TBK1: variants seen among roughly 807,000 people sequenced by gnomAD.
TBK1 encodes TANK binding kinase 1.
A neutral mutation model predicts 99.9 loss-of-function variants in TBK1; 37 were observed. The observed-to-expected ratio is 0.37, with a 90% CI of 0.28 to 0.49. The LOEUF (loss-of-function observed/expected upper bound fraction) is 0.49. Among genes scored for constraint, TBK1 ranks in the 20% least tolerant of loss-of-function variants. The probability of loss-of-function intolerance (pLI) is 0.98; values close to 1 mark genes in which losing one functional copy is unlikely to be tolerated. For missense variants in TBK1, 644 were observed against 872.5 expected, an observed-to-expected ratio of 0.74 and a Z score of 3.30; for synonymous variants, 258 against 279.8, an observed-to-expected ratio of 0.92 and a Z score of 0.78.
At chr12:64,464,236 G>T in intron 3 of TBK1, 98 bp from the exon 4 acceptor site, 1 of 995,822 alleles carries the variant, frequency 1.0e-6, no homozygotes, top group Non-Finnish European at 1.4e-6. Context: ...CTTCATCATT[G>T]TAGCAAATCC....
At chr12:64,493,875 GGTT>G (rs1268733917) in intron 13 of TBK1, among the ~76,000 whole-genome samples, 1 of 151,994 alleles carries the variant, frequency 6.6e-6, no homozygotes, top group Non-Finnish European at 1.5e-5. Flanking sequence ...ACAAACATAT[GGTT>G]GTTATTTTTA....
intron 19 of TBK1, 92 bp from the exon 20 acceptor site, chr12:64,497,876 C>T (rs2136089115): frequency 2.1e-6 from 3 of 1,404,228 alleles, no homozygotes; most frequent in Non-Finnish European, 3.0e-6. Context: ...ATAAGGTTAT[C>T]TATTGACCAG....
chr12:64,481,882 C>A lies in TBK1; in HGVS notation c.853C>A (p.Leu285Ile). ...VLLTPVLANILEADQEKCWGF... is the reference protein window; with the variant it reads ...VLLTPVLANIIEADQEKCWGF... ...ACTTACCCCTGTTCTTGCAAACATC[C>A]TTGAAGCAGATCAGGAAAAGTGTTG... Residue 285 changes from leucine to isoleucine, a missense_variant, in exon 8 of 21, where the codon CTT becomes ATT. Transcript: ENST00000331710. 6.2e-7 allele frequency: 1 copy of A among 1,609,086 alleles called. No individual in the cohort carries two copies.
At chr12:64,485,608 CTA>C in intron 10 of TBK1, 95 bp downstream of exon 10, 2 of 583,730 alleles carry the variant, frequency 3.4e-6, no homozygotes. Flanking sequence ...TCATGTATGT[CTA>C]TATGACTTAG....
intron 2 of TBK1, among the ~76,000 whole-genome samples, chr12:64,456,637 G>A (rs1466940050): frequency 2.6e-5 from 4 of 152,008 alleles, no homozygotes; most frequent in Non-Finnish European, 5.9e-5. Context: ...TCAGGAGATC[G>A]AGACCATCCT....
Position 64,497,628 on chromosome 12 carries a change from T to TC in TBK1, c.1960-20_1960-19insC, listed in dbSNP as rs1565824956. The TC allele has an allele frequency of 6.9e-7, 1 of 1,444,318 alleles. No individual in the cohort carries two copies. The highest frequency in any genetic ancestry group is 9.3e-7 in the Non-Finnish European group (1 of 1,073,930). 89.5% of individuals were successfully genotyped at this position (1,444,318 alleles called of 1,614,324 possible). A position where few individuals can be genotyped will look rare whatever the true frequency, so the allele number is the denominator to read the frequency against. ...TTAATGTGGGGTTTTTTTCTTTTTT[T>TC]TTTTTTTTTGATGTTTCAGTTACAA... On this transcript the variant is annotated intron_variant, in intron 18 of 20. Coordinates refer to ENST00000331710, the MANE Select transcript of TBK1 (RefSeq NM_013254.4).
At chr12:64,494,707 G>A (rs2136086491) in intron 13 of TBK1, among the ~76,000 whole-genome samples, 1 of 152,200 alleles carries the variant, frequency 6.6e-6, no homozygotes, top group Non-Finnish European at 1.5e-5. Context: ...AAATCCAATA[G>A]TAAGAAAAAA....
At position 64,476,884 on chromosome 12, in the gene TBK1, T is replaced by G. The variant is rs571744573; in HGVS notation, c.701+2494T>G. On this transcript the variant is annotated intron_variant, in intron 6 of 20. Coordinates refer to ENST00000331710, the MANE Select transcript of TBK1 (RefSeq NM_013254.4). Reference sequence around the variant, plus strand: ...TAGGGGTCTAGTTTTATTCTGCATATGGTTAGCTAGTTTTCCCAGCACCAT... The same window carrying G: ...TAGGGGTCTAGTTTTATTCTGCATAGGGTTAGCTAGTTTTCCCAGCACCAT... Among the ~76,000 whole-genome samples the G allele has an allele frequency of 2.6e-5, 4 of 152,340 alleles. No homozygotes were observed. The South Asian group carries it at 8.3e-4, about 32-fold the overall frequency.
rs2040481667 is a variant in TBK1, at chr12:64,455,848, G to A, written c.-23G>A. The A allele has an allele frequency of 6.3e-7, 1 of 1,586,284 alleles. No individual in the cohort carries two copies. The highest frequency in any genetic ancestry group is 1.2e-5 in the South Asian group (1 of 86,502). ...TTTTTTTTTTCTCTTAGTATAACAAGAGGATTGCCTGATCCAGCCAAGATG... is the reference window on the plus strand; with the variant it reads ...TTTTTTTTTTCTCTTAGTATAACAAAAGGATTGCCTGATCCAGCCAAGATG... On this transcript the variant is annotated 5_prime_UTR_variant, in exon 2 of 21. Coordinates refer to ENST00000331710, the MANE Select transcript of TBK1 (RefSeq NM_013254.4).
At chr12:64,497,378 AT>A (rs1460568013) in intron 18 of TBK1, 119 bp downstream of exon 18, 2 of 746,350 alleles carry the variant, frequency 2.7e-6, no homozygotes, top group Non-Finnish European at 4.1e-6. Context: ...AATTTTTAAT[AT>A]GTATTTTGAG....
In TBK1 at chr12:64,482,003, A is replaced by G. The variant is rs1398306834; in HGVS notation, c.974A>G (p.Tyr325Cys). 6.3e-7 allele frequency: 1 copy of G among 1,587,870 alleles called. No homozygotes were observed. ...SLQQMTAHKI[Y>C]IHSYNTATIF... ...CAACAAATGACAGCTCATAAGATTT[A>G]TATTCATAGCTATAATACGTAAGTA... The change falls in exon 8 of 21, where the codon TAT (tyrosine) becomes TGT (cysteine). Residue 325 changes from tyrosine to cysteine, a missense_variant. Around this residue, in one of 3 missense-constraint regions of TBK1, gnomAD observed 465 missense variants for 588.0 expected, o/e 0.79. Transcript: ENST00000331710.
intron 20 of TBK1, among the ~76,000 whole-genome samples, chr12:64,501,050 C>G (rs997928916): frequency 1.3e-5 from 2 of 152,074 alleles, no homozygotes; most frequent in African/African-American, 2.4e-5. Flanking sequence ...TGAGCCACTG[C>G]GCCGGCCCCA....
At chr12:64,491,018 C>T (rs768782901) in intron 13 of TBK1, among the ~76,000 whole-genome samples, 6 of 151,894 alleles carry the variant, frequency 4.0e-5, no homozygotes, top group Non-Finnish European at 8.8e-5. Context: ...GCAGTAATTA[C>T]TTCTATAGCT....
At chr12:64,459,866 CT>C (rs1459013642) in intron 2 of TBK1, among the ~76,000 whole-genome samples, 3 of 152,086 alleles carry the variant, frequency 2.0e-5, no homozygotes, top group Admixed American at 6.6e-5. Flanking sequence ...GATGATTTTG[CT>C]TTTGATACTA....
intron 7 of TBK1, 90 bp downstream of exon 7, chr12:64,480,212 G>A: frequency 1.2e-6 from 1 of 812,640 alleles, no homozygotes; most frequent in Non-Finnish European, 1.9e-6. Flanking sequence ...ATACTGAAGT[G>A]TAGTTTGATT....
chr12:64,486,234 C>A (rs576710353), intron 11 of TBK1, among the ~76,000 whole-genome samples: 2 of 152,276 alleles, frequency 1.3e-5, no homozygotes, highest in South Asian at 4.1e-4. Flanking sequence ...TTAAAACTTA[C>A]ACCACGCTAT....
chr12:64,464,496 A>G (rs1269309130), intron 4 of TBK1, 33 bp downstream of exon 4: 2 of 1,466,376 alleles, frequency 1.4e-6, no homozygotes, highest in African/African-American at 1.4e-5. Flanking sequence ...TATCATTTGT[A>G]TATAAAATTT....
intron 8 of TBK1, among the ~76,000 whole-genome samples, chr12:64,483,717 A>G (rs1055090315): frequency 2.0e-5 from 3 of 152,166 alleles, no homozygotes; most frequent in African/African-American, 7.2e-5. Context: ...GAAAATATTA[A>G]TAATCTTGGC....
At chr12:64,485,896 C>T in intron 10 of TBK1, 30 bp from the exon 11 acceptor site, 1 of 1,501,292 alleles carries the variant, frequency 6.7e-7, no homozygotes, top group Non-Finnish European at 9.0e-7. Context: ...ACAATTAGCA[C>T]CAAATATTGA....
Sources: gnomAD v4.1 joint callset for allele counts (sites outside exome capture counted in the v4.1 genomes callset) on GRCh38, gnomAD v4.1.1 for gene constraint, gnomAD v4.1.1 regional missense constraint, MANE v1.5 for transcripts, NCBI Gene and HGNC (gene_info 2026-07-23, HGNC 2026-07-21) for gene names.